Variants in ANKRD11 observed in about 807,000 individuals in gnomAD.
ANKRD11 encodes ankyrin repeat domain-containing protein 11.
A neutral mutation model predicts 195.7 loss-of-function variants in ANKRD11; 17 were observed. The ratio of observed to expected loss-of-function variants is 0.09; its 90% CI spans 0.06 to 0.13. ANKRD11 has a LOEUF of 0.13. Ranked by LOEUF, ANKRD11 falls within the 10% of genes least tolerant of loss-of-function variation. The pLI is 1.00. For synonymous variants in ANKRD11, 1,953 were observed against 1,528.1 expected (o/e 1.28, Z -6.49); for missense variants, 3,735 against 3,566.1 (o/e 1.05, Z -1.21).
intron 1 of ANKRD11, among the ~76,000 whole-genome samples, chr16:89,441,783 A>AAAAAAC (rs1555581877): frequency 2.2e-5 from 3 of 138,870 alleles, no homozygotes; most frequent in Non-Finnish European, 4.9e-5. Context: ...AAAAAAAAAA[A>AAAAAAC]AAAAAAAAAA....
intron 1 of ANKRD11, among the ~76,000 whole-genome samples, chr16:89,452,779 CA>C (rs11401095): frequency 1.8e-3 from 131 of 73,480 alleles, no homozygotes; most frequent in Admixed American, 4.0e-3. Context: ...GACTCTATCT[CA>C]AAAAAAAAAA....
chr16:89,452,471 C>T (rs1354680837), intron 1 of ANKRD11, among the ~76,000 whole-genome samples: 1 of 152,048 alleles, frequency 6.6e-6, no homozygotes, highest in Non-Finnish European at 1.5e-5. Flanking sequence ...TGTTAGAAAC[C>T]ACAGCGGGTG....
intron 2 of ANKRD11, chr16:89,319,876 C>G (rs1157437930): frequency 6.6e-6 from 1 of 152,606 alleles, no homozygotes; most frequent in Non-Finnish European, 1.5e-5. Context: ...GACTTGCCAT[C>G]CCAGTCCTCC....
intron 4 of ANKRD11, among the ~76,000 whole-genome samples, chr16:89,294,420 C>G (rs1360031931): frequency 6.6e-6 from 1 of 152,148 alleles, no homozygotes; most frequent in African/African-American, 2.4e-5. Flanking sequence ...GAAACCAGAT[C>G]TCCCAGGATG....
chr16:89,399,546 T>C (rs1381263480), intron 2 of ANKRD11, among the ~76,000 whole-genome samples: 1 of 152,148 alleles, frequency 6.6e-6, no homozygotes, highest in African/African-American at 2.4e-5. Flanking sequence ...ACGGGGGACC[T>C]GGGGCAGTGA....
rs545868310 is a variant in ANKRD11 at position 89,488,448 on chromosome 16, C to A, written c.-145+1797G>T. On this transcript the variant is annotated intron_variant, in intron 1 of 12. Transcript: ENST00000301030. ...GGCTGAGCAAGACATCCGCCCCCCC[C>A]CCTTTTTTTCTAGTTTAACTACAGT... Among the ~76,000 whole-genome samples, 42 of 151,682 alleles carry A rather than the reference C, an allele frequency of 2.8e-4. No homozygotes were observed. The East Asian group carries it at 7.0e-3, about 25-fold the overall frequency.
chr16:89,358,425 T>C (rs919718471), intron 2 of ANKRD11, among the ~76,000 whole-genome samples: 6 of 152,214 alleles, frequency 3.9e-5, no homozygotes, highest in Non-Finnish European at 8.8e-5. Flanking sequence ...CTGCCTATAT[T>C]ACTGGTACTC....
At chr16:89,356,194 C>T (rs2039464980) in intron 2 of ANKRD11, among the ~76,000 whole-genome samples, 1 of 152,168 alleles carries the variant, frequency 6.6e-6, no homozygotes, top group Non-Finnish European at 1.5e-5. Context: ...TTGTTTATAA[C>T]ATTTATAGGT....
chr16:89,464,197 C>A lies in ANKRD11; in HGVS notation c.-145+26048G>T, dbSNP rs1189042583. 4.1e-5 allele frequency among the ~76,000 whole-genome samples: 6 copies of A among 147,400 alleles called. No homozygotes were observed. In the East Asian group the frequency reaches 8.3e-4, roughly 20 times the overall value. On this transcript the variant is annotated intron_variant, in intron 1 of 12. Transcript: ENST00000301030. ...GAGGCTGTAGCGAGCGAAGATCGCA[C>A]CACTGCACTCCAGCCTGGGTGACAG...
chr16:89,477,011 G>C (rs1240086384), intron 1 of ANKRD11, among the ~76,000 whole-genome samples: 1 of 152,192 alleles, frequency 6.6e-6, no homozygotes, highest in African/African-American at 2.4e-5. Context: ...GTGAGTGGAA[G>C]ACCACACCGT....
At chr16:89,466,995 T>C (rs1200843570) in intron 1 of ANKRD11, among the ~76,000 whole-genome samples, 1 of 152,250 alleles carries the variant, frequency 6.6e-6, no homozygotes, top group African/African-American at 2.4e-5. Flanking sequence ...TGGTGTGATC[T>C]GAAAGGAGCT....
chr16:89,486,331 C>T (rs536039995), intron 1 of ANKRD11, among the ~76,000 whole-genome samples: 1 of 152,004 alleles, frequency 6.6e-6, no homozygotes, highest in East Asian at 1.9e-4. Flanking sequence ...GTCCCAGCTA[C>T]TCAGGAGTCT....
At chr16:89,292,043 A>G (rs1046041631) in intron 4 of ANKRD11, among the ~76,000 whole-genome samples, 2 of 152,190 alleles carry the variant, frequency 1.3e-5, no homozygotes. Flanking sequence ...GATGGAAATC[A>G]GGGGCCAGAC....
In ANKRD11 at chr16:89,284,868, A is replaced by G. The variant is rs763352614; in HGVS notation, c.1674T>C (p.Ala558=). The G allele has an allele frequency of 1.1e-4, 185 of 1,613,962 alleles. 1 individual carries two copies. The South Asian group carries it at 1.9e-3, about 17-fold the overall frequency. The change falls in exon 9 of 13, where the codon GCT becomes GCC. Residue 558 remains alanine (A), a synonymous_variant. Transcript: ENST00000301030. Reference sequence around the variant, plus strand: ...CTGATAAAGAACTGACCTCTGACCAAGCCGGGGAAGAAATGGTTTTCCAAT... The same window carrying G: ...CTGATAAAGAACTGACCTCTGACCAGGCCGGGGAAGAAATGGTTTTCCAAT... ...TDNWKTISSP[A]WSEVSSLSDS... is the part of the protein sequence containing the mutation.
At chr16:89,366,001 G>C (rs1179399728) in intron 2 of ANKRD11, among the ~76,000 whole-genome samples, 1 of 151,896 alleles carries the variant, frequency 6.6e-6, no homozygotes, top group Non-Finnish European at 1.5e-5. Context: ...AAGGATAAGG[G>C]CCTCCAGGCT....
rs766728029 is a variant in ANKRD11, at chr16:89,280,570, G to A, written c.5972C>T (p.Pro1991Leu). The change falls in exon 9 of 13, where the codon CCA becomes CTA. Residue 1991 changes from proline (P) to leucine (L), a missense_variant. Physicochemically the swap from Pro to Leu is moderately conservative, Grantham distance 98. Transcript: ENST00000301030. Reference protein sequence around the residue: ...LKSPQRFPESPKRFCPADPLH... With the variant: ...LKSPQRFPESLKRFCPADPLH... ...GGGGTCCGCGGGGCAGAAACGCTTT[G>A]GGGACTCGGGGAATCTCTGTGGAGA... The A allele has an allele frequency of 6.2e-7, 1 of 1,613,244 alleles. No individual in the cohort carries two copies. Among genetic ancestry groups the A allele is most frequent in the Non-Finnish European group, 8.5e-7 (1 of 1,179,930 alleles).
chr16:89,418,931 C>G (rs192177820), intron 1 of ANKRD11, among the ~76,000 whole-genome samples: 185 of 152,000 alleles, frequency 1.2e-3, no homozygotes, highest in African/African-American at 4.3e-3. Context: ...CACCCACCCC[C>G]GGCTGATCTG....
At position 89,329,491 on chromosome 16, in the gene ANKRD11, G is replaced by C. The variant is rs1009708726; in HGVS notation, c.-59-12413C>G. Among the ~76,000 whole-genome samples, 15 of 152,158 alleles carry C rather than the reference G, an allele frequency of 9.9e-5. 1 individual carries two copies. Among genetic ancestry groups the C allele is most frequent in the Non-Finnish European group, 1.5e-4 (10 of 68,034 alleles). On this transcript the variant is annotated intron_variant, in intron 2 of 12. Transcript: ENST00000301030. ...TTTAGGTGATGGTGTTTCCCCAACGGTATACGTTTCCCAAAACCCACTGAG... is the reference window on the plus strand; with the variant it reads ...TTTAGGTGATGGTGTTTCCCCAACGCTATACGTTTCCCAAAACCCACTGAG...
Position 89,313,415 on chromosome 16 carries a change from C to T in ANKRD11, c.87+3518G>A, listed in dbSNP as rs184792274. 5.7e-4 allele frequency: 733 copies of T among 1,288,946 alleles called. 1 individual carries two copies. Among genetic ancestry groups the T allele is most frequent in the Non-Finnish European group, 6.6e-4 (651 of 988,694 alleles). The allele number at this position is 1,288,946 out of a possible 1,614,324, so 79.8% of individuals were successfully genotyped here. A position where few individuals can be genotyped will look rare whatever the true frequency, so the allele number is the denominator to read the frequency against. On this transcript the variant is annotated intron_variant, in intron 3 of 12. Coordinates refer to ENST00000301030, the MANE Select transcript of ANKRD11 (RefSeq NM_013275.6). ...TCCGTGGTCGGCAATGGTGAGAGAC[C>T]GTCTGCAGAAGGGGCCCTTTCTCTG...
Sources: gnomAD v4.1 joint callset for allele counts (sites outside exome capture counted in the v4.1 genomes callset) on GRCh38, gnomAD v4.1.1 for gene constraint, MANE v1.5 for transcripts, NCBI Gene and HGNC (gene_info 2026-07-23, HGNC 2026-07-21) for gene names.